The following FRMD3 variants were observed in gnomAD, a reference collection of about 807,000 sequenced individuals.
FRMD3 encodes FERM domain-containing protein 3.
A neutral mutation model predicts 70.2 loss-of-function variants in FRMD3; 33 were observed. That is an observed-to-expected ratio of 0.47 (90% confidence interval 0.36 to 0.63). The LOEUF (loss-of-function observed/expected upper bound fraction) is 0.63, where lower values mean the gene tolerates loss of function less well. Ranked by LOEUF, FRMD3 falls within the 20% of genes least tolerant of loss-of-function variation. The pLI, the probability that FRMD3 is intolerant of heterozygous loss-of-function variation, is 0.00. For synonymous variants in FRMD3, 279 were observed against 255.9 expected (o/e 1.09, Z -0.86); for missense variants, 632 against 711.4 (o/e 0.89, Z 1.27).
chr9:83,421,611 T>G (rs973883378), intron 1 of FRMD3, among the ~76,000 whole-genome samples: 1 of 152,198 alleles, frequency 6.6e-6, no homozygotes. Context: ...TTCCATCCCC[T>G]GATTCATAAG....
chr9:83,406,717 C>T (rs1208376399), intron 1 of FRMD3, among the ~76,000 whole-genome samples: 3 of 152,156 alleles, frequency 2.0e-5, no homozygotes, highest in Non-Finnish European at 4.4e-5. Context: ...TCAACGGGTC[C>T]TTATTTGGTG....
intron 1 of FRMD3, among the ~76,000 whole-genome samples, chr9:83,439,227 T>C (rs756472763): frequency 7.9e-5 from 12 of 152,248 alleles, no homozygotes; most frequent in Non-Finnish European, 1.5e-4. Context: ...TGTCCATAAA[T>C]GGATAGGGTC....
intron 1 of FRMD3, among the ~76,000 whole-genome samples, chr9:83,525,528 C>G (rs1288099829): frequency 6.6e-6 from 1 of 152,158 alleles, no homozygotes; most frequent in Non-Finnish European, 1.5e-5. Flanking sequence ...CAAAGCTGCT[C>G]CTCATATAAC....
chr9:83,571,689 G>C, the FRMD3 span, among the ~76,000 whole-genome samples: 1 of 152,188 alleles, frequency 6.6e-6, no homozygotes, highest in Non-Finnish European at 1.5e-5. Context: ...CCTTAACCCA[G>C]TACCACAGAG....
At chr9:83,331,937 C>G (rs1174008420) in intron 6 of FRMD3, 2 of 711,740 alleles carry the variant, frequency 2.8e-6, no homozygotes, top group Admixed American at 2.1e-5. Flanking sequence ...AGCAGAAGTG[C>G]TATGAATCAC....
intron 1 of FRMD3, among the ~76,000 whole-genome samples, chr9:83,466,526 G>A (rs943402190): frequency 2.0e-5 from 3 of 152,110 alleles, no homozygotes; most frequent in Non-Finnish European, 4.4e-5. Context: ...AGGAAAAATA[G>A]CAAATTTAAA....
chr9:83,524,385 A>C (rs1399354390), intron 1 of FRMD3, among the ~76,000 whole-genome samples: 1 of 152,238 alleles, frequency 6.6e-6, no homozygotes, highest in Non-Finnish European at 1.5e-5. Context: ...AACCATGGTA[A>C]GTTGATTGCA....
At chr9:83,500,685 T>C (rs1165545648) in intron 1 of FRMD3, among the ~76,000 whole-genome samples, 2 of 152,308 alleles carry the variant, frequency 1.3e-5, no homozygotes, top group African/African-American at 2.4e-5. Flanking sequence ...CCAATGCATA[T>C]CTGCTGAATG....
intron 1 of FRMD3, among the ~76,000 whole-genome samples, chr9:83,454,009 C>T (rs1218328713): frequency 6.6e-6 from 1 of 152,040 alleles, no homozygotes; most frequent in Non-Finnish European, 1.5e-5. Context: ...GCCACCGCGC[C>T]CAGCTCTTTT....
At chr9:83,419,566 T>C (rs1420136122) in intron 1 of FRMD3, among the ~76,000 whole-genome samples, 1 of 151,296 alleles carries the variant, frequency 6.6e-6, no homozygotes, top group East Asian at 1.9e-4. Context: ...TGTTCACGTG[T>C]GTTGAATGTG....
intron 5 of FRMD3, among the ~76,000 whole-genome samples, chr9:83,342,531 GAAGA>G (rs1247439956): frequency 6.6e-6 from 1 of 152,136 alleles, no homozygotes; most frequent in Non-Finnish European, 1.5e-5. Context: ...CAGGAAATGG[GAAGA>G]AAGATTCAAA....
At chr9:83,523,205 C>T (rs59177824) in intron 1 of FRMD3, among the ~76,000 whole-genome samples, 68,971 of 151,348 alleles carry the variant, frequency 0.46, 16,091 homozygotes, top group Middle Eastern at 0.5. Context: ...GACGGACGGA[C>T]GGATGGATAG....
chr9:83,447,164 C>G (rs981043678), intron 1 of FRMD3, among the ~76,000 whole-genome samples: 1 of 152,190 alleles, frequency 6.6e-6, no homozygotes, highest in Non-Finnish European at 1.5e-5. Context: ...GCTGGGATTA[C>G]AGGCATGCGC....
chr9:83,373,527 T>C (rs1825046105), intron 2 of FRMD3, among the ~76,000 whole-genome samples: 1 of 152,074 alleles, frequency 6.6e-6, no homozygotes, highest in Non-Finnish European at 1.5e-5. Flanking sequence ...AAAAATCAGC[T>C]CTATCACAAA....
chr9:83,444,111 A>G (rs981531670), intron 1 of FRMD3, among the ~76,000 whole-genome samples: 1 of 152,240 alleles, frequency 6.6e-6, no homozygotes, highest in Non-Finnish European at 1.5e-5. Context: ...TTCCTTCAAC[A>G]TTGTGAACAG....
chr9:83,261,196 C>T (rs2118693200), intron 13 of FRMD3, among the ~76,000 whole-genome samples: 1 of 151,798 alleles, frequency 6.6e-6, no homozygotes, highest in Admixed American at 6.6e-5. Flanking sequence ...GGAACACTGC[C>T]TCTCATGTAA....
the FRMD3 span, among the ~76,000 whole-genome samples, chr9:83,559,475 A>C: frequency 3.1e-3 from 467 of 152,354 alleles, 2 homozygotes; most frequent in Middle Eastern, 6.8e-3. Context: ...GCCTTATTGC[A>C]ATATTTGCTT....
chr9:83,476,241 G>A (rs757768421), intron 1 of FRMD3, among the ~76,000 whole-genome samples: 2 of 151,978 alleles, frequency 1.3e-5, no homozygotes, highest in Non-Finnish European at 2.9e-5. Flanking sequence ...AAAATTAGCC[G>A]AGCATGGTGG....
intron 1 of FRMD3, among the ~76,000 whole-genome samples, chr9:83,519,861 G>T (rs1396704614): frequency 6.6e-6 from 1 of 152,188 alleles, no homozygotes; most frequent in Non-Finnish European, 1.5e-5. Context: ...GATGAAGCTG[G>T]AAACCGTAAT....
Sources: gnomAD v4.1 joint callset for allele counts (sites outside exome capture counted in the v4.1 genomes callset) on GRCh38, gnomAD v4.1.1 for gene constraint, MANE v1.5 for transcripts, NCBI Gene and HGNC (gene_info 2026-07-23, HGNC 2026-07-21) for gene names.